The following ZFHX3 variants were observed in gnomAD, a reference collection of about 807,000 sequenced individuals.
ZFHX3 encodes zinc finger homeobox 3.
A neutral mutation model predicts 279.1 loss-of-function variants in ZFHX3; 42 were observed. The ratio of observed to expected loss-of-function variants is 0.15; its 90% CI spans 0.12 to 0.19. The LOEUF is 0.19. Ranked by LOEUF, ZFHX3 falls within the 10% of genes least tolerant of loss-of-function variation. The probability of loss-of-function intolerance (pLI) is 1.00; values close to 1 mark genes in which losing one functional copy is unlikely to be tolerated. For missense variants in ZFHX3, 4,981 were observed against 4,754.0 expected, an observed-to-expected ratio of 1.05 and a Z score of -1.40; for synonymous variants, 2,293 against 1,957.8, an observed-to-expected ratio of 1.17 and a Z score of -4.52.
intron 1 of ZFHX3, among the ~76,000 whole-genome samples, chr16:73,783,639 G>T (rs185285203): frequency 3.3e-5 from 5 of 152,282 alleles, no homozygotes; most frequent in Admixed American, 6.5e-5. Flanking sequence ...TCTGTCCATT[G>T]TTAGTCAACT....
At chr16:72,922,086 C>T (rs1311257934) in intron 3 of ZFHX3, among the ~76,000 whole-genome samples, 2 of 152,220 alleles carry the variant, frequency 1.3e-5, no homozygotes, top group Non-Finnish European at 1.5e-5. Context: ...CCACACTCTG[C>T]CACTGAGTCA....
chr16:73,356,516 A>G (rs961819237), intron 3 of ZFHX3, among the ~76,000 whole-genome samples: 9 of 151,996 alleles, frequency 5.9e-5, no homozygotes, highest in African/African-American at 2.2e-4. Flanking sequence ...GCGGTGACAC[A>G]TGCCTTGTTC....
At chr16:73,310,355 A>G (rs1219940613) in intron 4 of ZFHX3, among the ~76,000 whole-genome samples, 3 of 152,158 alleles carry the variant, frequency 2.0e-5, no homozygotes, top group Non-Finnish European at 4.4e-5. Context: ...AAAGTGACCA[A>G]TTTTTAGCTG....
chr16:72,988,561 G>A (rs996605833), intron 1 of ZFHX3, among the ~76,000 whole-genome samples: 5 of 152,258 alleles, frequency 3.3e-5, no homozygotes, highest in South Asian at 2.1e-4. Context: ...CAAATAACGC[G>A]GATTTCTGGA....
chr16:72,998,877 G>A (rs979332795), intron 1 of ZFHX3, among the ~76,000 whole-genome samples: 1 of 152,216 alleles, frequency 6.6e-6, no homozygotes, highest in Non-Finnish European at 1.5e-5. Context: ...TGGTCCATCA[G>A]ATCGTCTCTC....
At chr16:73,644,610 G>A (rs1208938028) in intron 2 of ZFHX3, among the ~76,000 whole-genome samples, 6 of 152,242 alleles carry the variant, frequency 3.9e-5, no homozygotes, top group Non-Finnish European at 5.9e-5. Flanking sequence ...GCAGTGAGCC[G>A]AGATTGTGCC....
upstream of ZFHX3, among the ~76,000 whole-genome samples, chr16:73,062,772 G>A (rs928127414): frequency 6.6e-6 from 1 of 152,050 alleles, no homozygotes; most frequent in African/African-American, 2.4e-5. Flanking sequence ...AGGAGAGGTT[G>A]AAAGGACGCC....
chr16:72,901,659 A>G (rs2039039658), intron 3 of ZFHX3, among the ~76,000 whole-genome samples: 1 of 152,162 alleles, frequency 6.6e-6, no homozygotes, highest in African/African-American at 2.4e-5. Context: ...TGTTTTCTGG[A>G]AGGTTGAAAG....
At chr16:73,133,311 C>T (rs1392915919) in intron 6 of ZFHX3, among the ~76,000 whole-genome samples, 4 of 152,156 alleles carry the variant, frequency 2.6e-5, no homozygotes, top group African/African-American at 4.8e-5. Flanking sequence ...CACCTGAAGT[C>T]AGGAGTTCAA....
At chr16:73,526,903 T>A (rs1567509950) in intron 2 of ZFHX3, among the ~76,000 whole-genome samples, 1 of 151,776 alleles carries the variant, frequency 6.6e-6, no homozygotes, top group East Asian at 1.9e-4. Context: ...GGTACCTCTT[T>A]GATTACATTT....
Position 73,168,211 on chromosome 16 carries a change from T to TTTTCTCTTTCTTTCTTTC in ZFHX3, c.-1103-24381_-1103-24380insGAAAGAAAGAAAGAGAAA, listed in dbSNP as rs1555502323. 4.7e-4 allele frequency among the ~76,000 whole-genome samples: 45 copies of TTTTCTCTTTCTTTCTTTC among 95,312 alleles called. 1 individual carries two copies. The highest frequency in any genetic ancestry group is 1.8e-3 in the African/African-American group (45 of 25,018). The allele number at this position is 95,312 out of a possible 152,430, so 62.5% of individuals were successfully genotyped here. A position where few individuals can be genotyped will look rare whatever the true frequency, so the allele number is the denominator to read the frequency against. On this transcript the variant is annotated intron_variant, in intron 5 of 17. Coordinates refer to the ZFHX3 transcript ENST00000641206. Reference sequence around the variant, plus strand: ...CCTTTTAACACTATAGTTTCTTTTGTTTTCTTTCTTTCTTTCTTTCTTTCT... The same window carrying TTTTCTCTTTCTTTCTTTC: ...CCTTTTAACACTATAGTTTCTTTTGTTTTCTCTTTCTTTCTTTCTTTCTTTCTTTCTTTCTTTCTTTCT...
At chr16:73,529,427 A>G (rs2019753474) in intron 2 of ZFHX3, among the ~76,000 whole-genome samples, 1 of 152,184 alleles carries the variant, frequency 6.6e-6, no homozygotes, top group Non-Finnish European at 1.5e-5. Flanking sequence ...ATGTGTTCAA[A>G]CAGCCTCCCA....
chr16:73,787,856 A>G (rs866369354), intron 1 of ZFHX3, among the ~76,000 whole-genome samples: 2 of 117,738 alleles, frequency 1.7e-5, no homozygotes, highest in Admixed American at 8.6e-5. Context: ...TGTGTGTGAA[A>G]GAGAGAGAGA....
intron 2 of ZFHX3, among the ~76,000 whole-genome samples, chr16:73,567,575 C>T (rs1214603700): frequency 6.6e-6 from 1 of 152,182 alleles, no homozygotes; most frequent in Non-Finnish European, 1.5e-5. Context: ...AACCAATGTC[C>T]AGCGTCTTCT....
At chr16:73,367,457 T>C (rs2016548782) in intron 3 of ZFHX3, among the ~76,000 whole-genome samples, 1 of 152,200 alleles carries the variant, frequency 6.6e-6, no homozygotes, top group Non-Finnish European at 1.5e-5. Flanking sequence ...TACCTTTGAC[T>C]GGGTCATGTG....
At chr16:72,968,876 T>C (rs1351668281) in intron 1 of ZFHX3, among the ~76,000 whole-genome samples, 1 of 152,112 alleles carries the variant, frequency 6.6e-6, no homozygotes, top group Non-Finnish European at 1.5e-5. Context: ...GATTTTCAAA[T>C]GGGTTAGGAA....
chr16:73,024,220 C>T (rs186237827), intron 1 of ZFHX3, among the ~76,000 whole-genome samples: 2 of 152,154 alleles, frequency 1.3e-5, no homozygotes, highest in East Asian at 1.9e-4. Context: ...GGCAAAGAAA[C>T]GAAGAGGCAG....
chr16:73,065,459 T>G (rs866942838), intron 8 of ZFHX3, among the ~76,000 whole-genome samples: 21 of 145,036 alleles, frequency 1.4e-4, no homozygotes, highest in Middle Eastern at 3.7e-3. Flanking sequence ...AACGTGAGGG[T>G]TTTTTTTTTT....
chr16:73,120,495 A>G (rs1966483629), intron 7 of ZFHX3, among the ~76,000 whole-genome samples: 2 of 151,944 alleles, frequency 1.3e-5, no homozygotes, highest in South Asian at 4.1e-4. Context: ...GCTACTCTCA[A>G]ACTCCTGGGC....
Sources: allele counts gnomAD v4.1 joint callset (sites outside exome capture counted in the v4.1 genomes callset), GRCh38; gene constraint gnomAD v4.1.1; transcripts MANE v1.5; gene names NCBI Gene and HGNC (gene_info 2026-07-23, HGNC 2026-07-21).